LIPI: variants seen among roughly 807,000 people sequenced by gnomAD.
The protein encoded by LIPI is lipase I, also known as lipase member I.
A neutral mutation model predicts 50.6 loss-of-function variants in LIPI; 59 were observed. That is an observed-to-expected ratio of 1.16 (90% confidence interval 0.94 to 1.45). The LOEUF (loss-of-function observed/expected upper bound fraction) is 1.45, where lower values mean the gene tolerates loss of function less well. Ranked by LOEUF, LIPI falls within the 40% of genes most tolerant of loss-of-function variation. The probability of loss-of-function intolerance (pLI) is 0.00; values close to 1 mark genes in which losing one functional copy is unlikely to be tolerated. For missense variants in LIPI, 586 were observed against 536.3 expected, an observed-to-expected ratio of 1.09 and a Z score of -0.92; for synonymous variants, 203 against 178.2, an observed-to-expected ratio of 1.14 and a Z score of -1.11.
intron 4 of LIPI, among the ~76,000 whole-genome samples, chr21:14,174,362 A>G (rs1409181444): frequency 6.6e-6 from 1 of 152,060 alleles, no homozygotes; most frequent in Non-Finnish European, 1.5e-5. Context: ...CAGAAAAAGA[A>G]CATTAAACAT....
chr21:14,124,782 C>T (rs184791910), intron 9 of LIPI, among the ~76,000 whole-genome samples: 99 of 152,268 alleles, frequency 6.5e-4, no homozygotes, highest in Admixed American at 2.3e-3. Context: ...TCTGTTCGGT[C>T]TCTCTTATCT....
At chr21:14,131,654 A>C (rs1334116980) in intron 9 of LIPI, among the ~76,000 whole-genome samples, 1 of 152,142 alleles carries the variant, frequency 6.6e-6, no homozygotes, top group African/African-American at 2.4e-5. Flanking sequence ...AAACATGAAA[A>C]AGCAGGGAAA....
chr21:14,192,295 T>C (rs536108311), intron 1 of LIPI, among the ~76,000 whole-genome samples: 4 of 152,226 alleles, frequency 2.6e-5, no homozygotes, highest in Non-Finnish European at 5.9e-5. Flanking sequence ...TGAAACCTCA[T>C]TTCTACTAAA....
chr21:14,191,171 G>A (rs1019691819), intron 1 of LIPI, among the ~76,000 whole-genome samples: 4 of 152,040 alleles, frequency 2.6e-5, no homozygotes, highest in Admixed American at 6.5e-5. Context: ...GAGGTCAGGA[G>A]ATCGAGACCA....
chr21:14,184,608 A>G (rs567942786), intron 3 of LIPI, among the ~76,000 whole-genome samples: 10 of 152,348 alleles, frequency 6.6e-5, no homozygotes, highest in Non-Finnish European at 1.0e-4. Flanking sequence ...ATGAGACAGA[A>G]TCATCTATCT....
Position 14,151,224 on chromosome 21 carries a change from C to T in LIPI, c.1118+1349G>A, listed in dbSNP as rs76742499. On this transcript the variant is annotated intron_variant, in intron 8 of 9. Coordinates refer to ENST00000681601, the MANE Select transcript of LIPI (RefSeq NM_001302998.2). ...ATGGCTACTTTTTATATTTTAATAT[C>T]GTTTCAGATTTTACCTGTGCTAATA... Among the ~76,000 whole-genome samples, 19 of 152,172 alleles carry T rather than the reference C, an allele frequency of 1.2e-4. No individual in the cohort carries two copies. In the East Asian group the frequency reaches 2.1e-3, roughly 17 times the overall value.
intron 4 of LIPI, 32 bp from the exon 5 acceptor site, chr21:14,166,483 TG>T: frequency 8.9e-7 from 1 of 1,117,330 alleles, no homozygotes; most frequent in Non-Finnish European, 1.4e-6. Flanking sequence ...AATCACAACA[TG>T]TATATAATCA....
chr21:14,158,724 C>T (rs2018360002), intron 7 of LIPI, among the ~76,000 whole-genome samples: 1 of 149,176 alleles, frequency 6.7e-6, no homozygotes, highest in Non-Finnish European at 1.5e-5. Context: ...TGAATAAAAA[C>T]CAATAAAATC....
At chr21:14,175,514 A>G (rs1463281411) in intron 4 of LIPI, among the ~76,000 whole-genome samples, 2 of 151,968 alleles carry the variant, frequency 1.3e-5, no homozygotes, top group African/African-American at 4.8e-5. Context: ...TCACATTCTT[A>G]AAGTATTTAT....
intron 3 of LIPI, 86 bp from the exon 4 acceptor site, chr21:14,181,945 C>T: frequency 2.7e-6 from 2 of 748,064 alleles, no homozygotes; most frequent in Admixed American, 4.0e-5. Context: ...GCATTATAAA[C>T]ATAAAAAGCA....
chr21:14,170,405 C>T (rs1352998981), intron 4 of LIPI, among the ~76,000 whole-genome samples: 1 of 151,702 alleles, frequency 6.6e-6, no homozygotes, highest in African/African-American at 2.4e-5. Flanking sequence ...GGCAGAGACA[C>T]AACAAAAAAA....
chr21:14,168,915 G>A (rs952034388), intron 4 of LIPI, among the ~76,000 whole-genome samples: 12 of 151,296 alleles, frequency 7.9e-5, no homozygotes, highest in Non-Finnish European at 7.4e-5. Flanking sequence ...GACACAGACT[G>A]GCAAATTGGA....
Position 14,127,874 on chromosome 21 carries a change from A to G in LIPI, c.1295+16749T>C, listed in dbSNP as rs550580670. On this transcript the variant is annotated intron_variant, in intron 9 of 9. Transcript: ENST00000681601. ...AAAAATGAAATTGTCTAAAATGAAG[A>G]TAGTTACATATGTATAGATATTAAC... is the stretch of plus-strand genomic sequence containing the variant. Among the ~76,000 whole-genome samples, 4 of 152,242 alleles carry G rather than the reference A, an allele frequency of 2.6e-5. No individual in the cohort carries two copies. The East Asian group carries it at 7.7e-4, about 29-fold the overall frequency.
rs192363128 is a variant in LIPI, at chr21:14,126,068, G to A, written c.1296-16988C>T. Among the ~76,000 whole-genome samples, 223 of 152,210 alleles carry A rather than the reference G, an allele frequency of 1.5e-3. 1 individual carries two copies. The highest frequency in any genetic ancestry group is 1.9e-3 in the Non-Finnish European group (128 of 68,030). On this transcript the variant is annotated intron_variant, in intron 9 of 9. Coordinates refer to ENST00000681601, the MANE Select transcript of LIPI (RefSeq NM_001302998.2). ...CTGGTGAAGGTGCAGTTTGGGTTTA[G>A]GAGAACGTGGAGCTCTTACATTTTG...
chr21:14,118,878 T>G (rs1246767098), intron 9 of LIPI, among the ~76,000 whole-genome samples: 1 of 152,126 alleles, frequency 6.6e-6, no homozygotes, highest in South Asian at 2.1e-4. Context: ...TTTGGAATAA[T>G]AGAGAGATGT....
At chr21:14,127,550 CT>C (rs2017114458) in intron 9 of LIPI, among the ~76,000 whole-genome samples, 1 of 152,124 alleles carries the variant, frequency 6.6e-6, no homozygotes, top group African/African-American at 2.4e-5. Flanking sequence ...GTTCTGTTTT[CT>C]TTTGCTCTGT....
rs1490384912 is a variant in LIPI, at chr21:14,152,645, G to T, written c.1046C>A (p.Thr349Asn). 1.3e-5 allele frequency: 20 copies of T among 1,566,326 alleles called. No individual in the cohort carries two copies. Among genetic ancestry groups the T allele is most frequent in the Non-Finnish European group, 1.8e-5 (20 of 1,138,312 alleles). The change falls in exon 8 of 10, where the codon ACT (threonine) becomes AAT (asparagine). Residue 349 changes from threonine (T) to asparagine (N), a missense_variant. Transcript: ENST00000681601. Reference sequence around the variant, plus strand: ...AAATGAAAACGAGCCATCCATCATAGTTTTATCTGGAACAATTATACTGAG... The same window carrying T: ...AAATGAAAACGAGCCATCCATCATATTTTTATCTGGAACAATTATACTGAG... ...FVLSIIVPDK[T>N]MMDGSFSFKL...
At chr21:14,165,466 G>A (rs2018648518) in intron 5 of LIPI, 76 bp from the exon 6 acceptor site, 3 of 1,145,292 alleles carry the variant, frequency 2.6e-6, no homozygotes, top group Admixed American at 3.9e-5. Flanking sequence ...ACAAAGTAAA[G>A]ATGAAGTTTT....
intron 9 of LIPI, among the ~76,000 whole-genome samples, chr21:14,115,951 T>G (rs2016615145): frequency 6.6e-6 from 1 of 152,038 alleles, no homozygotes; most frequent in South Asian, 2.1e-4. Flanking sequence ...GAGTGGCAAG[T>G]GCAGCAAGGT....
Sources: gnomAD v4.1 joint callset for allele counts (sites outside exome capture counted in the v4.1 genomes callset) on GRCh38, gnomAD v4.1.1 for gene constraint, MANE v1.5 for transcripts, NCBI Gene and HGNC (gene_info 2026-07-23, HGNC 2026-07-21) for gene names.